The following LINGO2 variants were observed in gnomAD, a reference collection of about 807,000 sequenced individuals.
LINGO2 encodes leucine rich repeat and Ig domain containing 2.
In LINGO2, 14 loss-of-function variants were observed where a neutral mutation model predicts 30.6. That is an observed-to-expected ratio of 0.46 (90% CI 0.30 to 0.72). LINGO2 has a LOEUF of 0.72. Among genes scored for constraint, LINGO2 ranks in the 30% least tolerant of loss-of-function variants. The probability of loss-of-function intolerance (pLI) is 0.07; values close to 1 mark genes in which losing one functional copy is unlikely to be tolerated. For synonymous variants in LINGO2, 317 were observed against 288.5 expected (o/e 1.10, Z -1.00); for missense variants, 729 against 751.7 (o/e 0.97, Z 0.35).
chr9:28,522,743 A>G (rs1364374017), intron 1 of LINGO2, among the ~76,000 whole-genome samples: 1 of 152,206 alleles, frequency 6.6e-6, no homozygotes, highest in East Asian at 1.9e-4. Flanking sequence ...AATTATTTCT[A>G]CAGAGCATTC....
intron 2 of LINGO2, among the ~76,000 whole-genome samples, chr9:28,433,035 CAT>C (rs565764834): frequency 1.8e-3 from 271 of 151,994 alleles, no homozygotes; most frequent in African/African-American, 6.0e-3. Context: ...CTTGAAAAAA[CAT>C]AGATTCAGAA....
chr9:28,681,342 T>C, the LINGO2 span, among the ~76,000 whole-genome samples: 3 of 152,050 alleles, frequency 2.0e-5, no homozygotes, highest in South Asian at 6.2e-4. Flanking sequence ...AAAGGGCAGC[T>C]CTTTTTAACT....
At chr9:28,826,603 G>A in the LINGO2 span, among the ~76,000 whole-genome samples, 15,374 of 152,082 alleles carry the variant, frequency 0.1, 912 homozygotes, top group African/African-American at 0.16. Context: ...TAATAAAATT[G>A]GCTAGATGAC....
intron 1 of LINGO2, among the ~76,000 whole-genome samples, chr9:28,597,307 C>G (rs1307445468): frequency 1.3e-5 from 2 of 152,154 alleles, no homozygotes; most frequent in Non-Finnish European, 2.9e-5. Flanking sequence ...ATCAACTGCA[C>G]TTCTTGGAAT....
the LINGO2 span, among the ~76,000 whole-genome samples, chr9:28,723,680 T>C: frequency 1.3e-5 from 2 of 152,102 alleles, no homozygotes; most frequent in African/African-American, 4.8e-5. Flanking sequence ...GTGGATTAGA[T>C]AGAAAGTGCA....
intron 4 of LINGO2, among the ~76,000 whole-genome samples, chr9:28,065,087 C>G (rs974338260): frequency 6.6e-6 from 1 of 151,694 alleles, no homozygotes; most frequent in African/African-American, 2.4e-5. Flanking sequence ...CAGAGCCTGG[C>G]ATAATGCCCT....
intron 5 of LINGO2, among the ~76,000 whole-genome samples, chr9:27,992,243 T>C (rs1821433657): frequency 6.6e-6 from 1 of 152,108 alleles, no homozygotes; most frequent in Admixed American, 6.6e-5. Context: ...GCTTAAATCC[T>C]TTTGTTTTCT....
the LINGO2 span, among the ~76,000 whole-genome samples, chr9:29,060,517 A>G: frequency 6.6e-6 from 1 of 152,098 alleles, no homozygotes; most frequent in Non-Finnish European, 1.5e-5. Flanking sequence ...TGTCCAAGAC[A>G]CAATCCAAAT....
At chr9:27,993,145 G>A (rs529551969) in intron 5 of LINGO2, among the ~76,000 whole-genome samples, 2 of 152,170 alleles carry the variant, frequency 1.3e-5, no homozygotes, top group East Asian at 3.9e-4. Context: ...AGTTTGGTAA[G>A]GCTAGCATTC....
At position 28,258,982 on chromosome 9, in the gene LINGO2, CTTTA is replaced by C. The variant is rs534611953; in HGVS notation, c.-87+36222_-87+36225del. Among the ~76,000 whole-genome samples, 33 of 151,206 alleles carry C rather than the reference CTTTA, an allele frequency of 2.2e-4. No individual in the cohort carries two copies. In the South Asian group the frequency reaches 5.6e-3, roughly 26 times the overall value. On this transcript the variant is annotated intron_variant, in intron 4 of 5. Transcript: ENST00000379992. ...CATAGGAGGATTGGTCCCATACCAA[CTTTA>C]TTTATATTTTGAGAAGATGCATATG...
chr9:28,959,523 A>G, the LINGO2 span, among the ~76,000 whole-genome samples: 1 of 152,116 alleles, frequency 6.6e-6, no homozygotes, highest in Admixed American at 6.5e-5. Context: ...AAATGATTCA[A>G]GAAACAAGGA....
intron 1 of LINGO2, among the ~76,000 whole-genome samples, chr9:28,606,770 A>G (rs1032538986): frequency 2.6e-5 from 4 of 152,200 alleles, no homozygotes; most frequent in African/African-American, 7.2e-5. Context: ...GAAAACCACT[A>G]TGACAAGTAC....
the LINGO2 span, chr9:27,940,806 A>G: frequency 2.0e-5 from 3 of 152,244 alleles, no homozygotes; most frequent in Non-Finnish European, 4.4e-5. Flanking sequence ...CAGAGCTAGA[A>G]GCCAGGCCAC....
At chr9:28,854,006 T>C in the LINGO2 span, among the ~76,000 whole-genome samples, 1 of 152,036 alleles carries the variant, frequency 6.6e-6, no homozygotes, top group South Asian at 2.1e-4. Flanking sequence ...CTATATAAAT[T>C]AATTGCTGTC....
intron 4 of LINGO2, among the ~76,000 whole-genome samples, chr9:28,086,588 C>T (rs138789576): frequency 6.6e-5 from 10 of 151,986 alleles, no homozygotes; most frequent in East Asian, 3.9e-4. Flanking sequence ...CTAATTTGGG[C>T]GTACTTAATT....
chr9:28,973,508 A>G, the LINGO2 span, among the ~76,000 whole-genome samples: 2 of 152,160 alleles, frequency 1.3e-5, no homozygotes, highest in African/African-American at 2.4e-5. Flanking sequence ...ATAGCAGCAA[A>G]TAATTCTCAT....
intron 5 of LINGO2, among the ~76,000 whole-genome samples, chr9:27,989,455 G>C (rs200147568): frequency 0.13 from 10,898 of 87,072 alleles, 840 homozygotes; most frequent in African/African-American, 0.21. Context: ...CTGTGTGTGT[G>C]TGTGTGTGTG....
At chr9:28,237,825 G>T (rs919367083) in intron 4 of LINGO2, among the ~76,000 whole-genome samples, 1 of 152,124 alleles carries the variant, frequency 6.6e-6, no homozygotes, top group African/African-American at 2.4e-5. Context: ...CTGCACTCCA[G>T]CCTGGGCAAC....
At chr9:28,969,713 G>T in the LINGO2 span, among the ~76,000 whole-genome samples, 1 of 152,114 alleles carries the variant, frequency 6.6e-6, no homozygotes, top group Admixed American at 6.5e-5. Context: ...GAACTAGAAG[G>T]ATTTGCTAAT....
Sources: allele counts gnomAD v4.1 joint callset (sites outside exome capture counted in the v4.1 genomes callset), GRCh38; gene constraint gnomAD v4.1.1; transcripts MANE v1.5; gene names NCBI Gene and HGNC (gene_info 2026-07-23, HGNC 2026-07-21).